The following ANKRD44 variants were observed in gnomAD, a reference collection of about 807,000 sequenced individuals.
The protein encoded by ANKRD44 is serine/threonine-protein phosphatase 6 regulatory ankyrin repeat subunit B.
ANKRD44 carries 35 observed loss-of-function variants against 116.0 expected under a neutral mutation model. The observed-to-expected ratio is 0.30, with a 90% CI of 0.23 to 0.40. The LOEUF (loss-of-function observed/expected upper bound fraction) is 0.40. Ranked by LOEUF, ANKRD44 falls within the 10% of genes least tolerant of loss-of-function variation. ANKRD44 has a pLI of 1.00. For missense variants in ANKRD44, 1,014 were observed against 1,242.6 expected (o/e 0.82, Z 2.77); for synonymous variants, 435 against 461.8 (o/e 0.94, Z 0.74).
At chr2:197,049,272 G>T (rs1047245785) in intron 16 of ANKRD44, among the ~76,000 whole-genome samples, 2 of 152,038 alleles carry the variant, frequency 1.3e-5, no homozygotes, top group African/African-American at 4.8e-5. Flanking sequence ...TGTCCTGAAT[G>T]GTATTGCCTA....
At chr2:197,035,290 A>C (rs1018236560) in intron 16 of ANKRD44, among the ~76,000 whole-genome samples, 4 of 152,186 alleles carry the variant, frequency 2.6e-5, no homozygotes, top group Admixed American at 1.3e-4. Context: ...ACATGAAAAC[A>C]TGGCAGGGAA....
chr2:197,020,349 C>A (rs1170021000), intron 17 of ANKRD44, among the ~76,000 whole-genome samples: 1 of 152,146 alleles, frequency 6.6e-6, no homozygotes, highest in Admixed American at 6.5e-5. Context: ...TCTTCTATAC[C>A]AGGCACTTGA....
chr2:197,042,216 T>C (rs894419390), intron 16 of ANKRD44, among the ~76,000 whole-genome samples: 16 of 152,170 alleles, frequency 1.1e-4, no homozygotes, highest in African/African-American at 3.9e-4. Context: ...ATCCTCCTGA[T>C]AATTATGCCT....
At chr2:196,982,071 G>A (rs1402710200), downstream of ANKRD44, among the ~76,000 whole-genome samples, 1 of 128,742 alleles carries the variant, frequency 7.8e-6, no homozygotes, top group Non-Finnish European at 1.6e-5. Context: ...ATTTATTCCT[G>A]AGGGAATCTC....
intron 16 of ANKRD44, among the ~76,000 whole-genome samples, chr2:197,067,448 C>T (rs1446223918): frequency 6.0e-5 from 9 of 151,154 alleles, no homozygotes; most frequent in Admixed American, 1.3e-4. Context: ...AGAAAATTTT[C>T]GCAACCTACT....
chr2:197,149,745 G>A (rs1004223379), intron 2 of ANKRD44, among the ~76,000 whole-genome samples: 2 of 152,172 alleles, frequency 1.3e-5, no homozygotes, highest in African/African-American at 4.8e-5. Flanking sequence ...AGGAACACCT[G>A]ATCATGAGTC....
chr2:197,289,281 A>G (rs560590054), intron 1 of ANKRD44, among the ~76,000 whole-genome samples: 1 of 152,362 alleles, frequency 6.6e-6, no homozygotes, highest in East Asian at 1.9e-4. Flanking sequence ...CCAAGTGTTG[A>G]CAAGGATGTG....
At chr2:197,043,383 T>G (rs2076946664) in intron 16 of ANKRD44, among the ~76,000 whole-genome samples, 1 of 152,114 alleles carries the variant, frequency 6.6e-6, no homozygotes, top group African/African-American at 2.4e-5. Flanking sequence ...TTTTAAAAAT[T>G]TTTTGTAGAG....
chr2:197,008,814 A>G (rs1226621369), intron 19 of ANKRD44, 130 bp downstream of exon 19: 2 of 765,754 alleles, frequency 2.6e-6, no homozygotes, highest in Non-Finnish European at 4.4e-6. Flanking sequence ...CTCATTGTGT[A>G]TTGGTCCTGG....
intron 17 of ANKRD44, among the ~76,000 whole-genome samples, chr2:197,016,761 A>T (rs2076400109): frequency 1.3e-5 from 2 of 152,196 alleles, no homozygotes; most frequent in African/African-American, 4.8e-5. Flanking sequence ...AGAAAAGAAA[A>T]GCCTGATTCC....
At chr2:197,281,140 G>A (rs1482576095) in intron 1 of ANKRD44, among the ~76,000 whole-genome samples, 2 of 152,012 alleles carry the variant, frequency 1.3e-5, no homozygotes, top group Non-Finnish European at 2.9e-5. Flanking sequence ...TCACTAAAGT[G>A]AGTTCTGTCT....
intron 2 of ANKRD44, among the ~76,000 whole-genome samples, chr2:197,185,882 T>C (rs1454845799): frequency 1.3e-5 from 2 of 152,160 alleles, no homozygotes; most frequent in Non-Finnish European, 2.9e-5. Flanking sequence ...GTCAGCAAAC[T>C]TTCCCTAAAA....
intron 1 of ANKRD44, among the ~76,000 whole-genome samples, chr2:197,195,043 A>G (rs926121051): frequency 1.3e-5 from 2 of 152,204 alleles, no homozygotes; most frequent in African/African-American, 4.8e-5. Flanking sequence ...GTGCAATCAT[A>G]TAGCTCATTA....
chr2:197,260,919 G>T, intron 1 of ANKRD44, among the ~76,000 whole-genome samples: 1 of 118,830 alleles, frequency 8.4e-6, no homozygotes, highest in African/African-American at 3.3e-5. Context: ...CTTTTTGATG[G>T]GGTTGTTTGT....
At chr2:197,246,111 G>A (rs2082184574) in intron 1 of ANKRD44, among the ~76,000 whole-genome samples, 2 of 152,178 alleles carry the variant, frequency 1.3e-5, no homozygotes, top group African/African-American at 4.8e-5. Flanking sequence ...GACATGGGGT[G>A]ACAGAGGAGA....
chr2:197,111,239 T>C (rs2078557862), intron 8 of ANKRD44, among the ~76,000 whole-genome samples: 1 of 152,204 alleles, frequency 6.6e-6, no homozygotes, highest in African/African-American at 2.4e-5. Flanking sequence ...TCCTTCAAGG[T>C]GTTTTTTTCA....
At chr2:197,123,525 G>A (rs910028795) in intron 6 of ANKRD44, among the ~76,000 whole-genome samples, 11 of 152,228 alleles carry the variant, frequency 7.2e-5, no homozygotes, top group Non-Finnish European at 4.4e-5. Context: ...CAGCTGCTCA[G>A]GAGGCTGAGG....
At chr2:197,044,264 T>C (rs916593151) in intron 16 of ANKRD44, among the ~76,000 whole-genome samples, 2 of 152,222 alleles carry the variant, frequency 1.3e-5, no homozygotes, top group African/African-American at 2.4e-5. Flanking sequence ...AACTGGATTA[T>C]ACATCAGCTC....
chr2:197,112,651 T>C (rs150386294), intron 8 of ANKRD44, among the ~76,000 whole-genome samples: 78 of 141,754 alleles, frequency 5.5e-4, no homozygotes, highest in African/African-American at 1.9e-3. Context: ...GAGTTTGCAG[T>C]GAGCCGAAAT....
Sources: allele counts gnomAD v4.1 joint callset (sites outside exome capture counted in the v4.1 genomes callset), GRCh38; gene constraint gnomAD v4.1.1; transcripts MANE v1.5; gene names NCBI Gene and HGNC (gene_info 2026-07-23, HGNC 2026-07-21).